Variants in DNER observed in about 807,000 individuals in gnomAD.
The protein encoded by DNER is delta and Notch-like epidermal growth factor-related receptor.
A neutral mutation model predicts 78.2 loss-of-function variants in DNER; 33 were observed. That is an observed-to-expected ratio of 0.42 (90% CI 0.32 to 0.56). DNER has a LOEUF of 0.56. Ranked by LOEUF, DNER falls within the 20% of genes least tolerant of loss-of-function variation. DNER has a pLI of 0.11. For missense variants in DNER, 918 were observed against 975.3 expected (o/e 0.94, Z 0.78); for synonymous variants, 417 against 384.8 (o/e 1.08, Z -0.98).
At chr2:229,515,821 T>C (rs997071436) in intron 5 of DNER, among the ~76,000 whole-genome samples, 13 of 152,136 alleles carry the variant, frequency 8.5e-5, no homozygotes, top group Middle Eastern at 3.4e-3. Context: ...TTTATATTTT[T>C]AGTAGAGACA....
chr2:229,390,651 G>A (rs1215770537), intron 10 of DNER, among the ~76,000 whole-genome samples: 3 of 152,188 alleles, frequency 2.0e-5, no homozygotes, highest in Non-Finnish European at 4.4e-5. Flanking sequence ...AATCCAACTA[G>A]GGCCAAACCT....
chr2:229,592,858 A>G (rs1036343218), intron 1 of DNER, among the ~76,000 whole-genome samples: 7 of 152,206 alleles, frequency 4.6e-5, no homozygotes, highest in African/African-American at 1.7e-4. Flanking sequence ...AATTCAGTAG[A>G]GAATAAATGA....
intron 4 of DNER, among the ~76,000 whole-genome samples, chr2:229,569,156 C>T (rs962367220): frequency 6.6e-6 from 1 of 152,138 alleles, no homozygotes; most frequent in Non-Finnish European, 1.5e-5. Flanking sequence ...GTTGTGTATA[C>T]AGTCATCCCT....
At chr2:229,594,952 TAAAAAAAAAAAAAAAAA>T (rs200824543) in intron 1 of DNER, among the ~76,000 whole-genome samples, 11,582 of 102,710 alleles carry the variant, frequency 0.11, 867 homozygotes, top group African/African-American at 0.21. Context: ...AAATGCTGTT[TAAAAAAAAAAAAAAAAA>T]AAAAAAAAAA....
At chr2:229,672,331 G>T (rs1446119451) in intron 1 of DNER, among the ~76,000 whole-genome samples, 1 of 152,064 alleles carries the variant, frequency 6.6e-6, no homozygotes, top group East Asian at 1.9e-4. Flanking sequence ...CAGCCTGGCA[G>T]CCTCAGAGCA....
In DNER at chr2:229,645,409, T is replaced by C. The variant is rs1303837654; in HGVS notation, c.277-53521A>G. Among the ~76,000 whole-genome samples the C allele has an allele frequency of 3.9e-5, 6 of 152,234 alleles. No homozygotes were observed. In the South Asian group the frequency reaches 6.2e-4, roughly 16 times the overall value. On this transcript the variant is annotated intron_variant, in intron 1 of 12. Coordinates refer to ENST00000341772, the MANE Select transcript of DNER (RefSeq NM_139072.4). ...TAATAGGTGAACAGGATCAAACTTA[T>C]GCTAAACAACATTGTAGATCCCTCT...
chr2:229,515,505 T>C (rs533536849), intron 5 of DNER, among the ~76,000 whole-genome samples: 11 of 152,360 alleles, frequency 7.2e-5, no homozygotes, highest in African/African-American at 2.2e-4. Context: ...ACATTCCATA[T>C]TGCGGATAAA....
chr2:229,525,506 C>G (rs1696190471), intron 5 of DNER, among the ~76,000 whole-genome samples: 2 of 151,904 alleles, frequency 1.3e-5, no homozygotes, highest in Admixed American at 1.3e-4. Flanking sequence ...TTATGTAATC[C>G]TTGATATCAT....
intron 1 of DNER, among the ~76,000 whole-genome samples, chr2:229,703,530 A>G (rs1284111674): frequency 6.6e-6 from 1 of 152,170 alleles, no homozygotes; most frequent in Non-Finnish European, 1.5e-5. Flanking sequence ...AAAAGAAAAA[A>G]TGGACCAATC....
chr2:229,498,576 T>C (rs963679130), intron 6 of DNER, among the ~76,000 whole-genome samples: 3 of 152,184 alleles, frequency 2.0e-5, no homozygotes, highest in Non-Finnish European at 4.4e-5. Context: ...ATATGGAGGA[T>C]ACAAAATGAA....
At chr2:229,692,223 A>T (rs1235632419) in intron 1 of DNER, among the ~76,000 whole-genome samples, 1 of 152,220 alleles carries the variant, frequency 6.6e-6, no homozygotes, top group Non-Finnish European at 1.5e-5. Context: ...CCCTGATCTG[A>T]CCTGGTCTTC....
At chr2:229,367,151 T>C (rs746499540) in intron 11 of DNER, 32 bp from the exon 12 acceptor site, 2 of 1,613,082 alleles carry the variant, frequency 1.2e-6, no homozygotes, top group Non-Finnish European at 8.5e-7. Flanking sequence ...TGGCTGGGTA[T>C]GAGTTGTCAC....
At chr2:229,694,646 TG>T (rs1699634433) in intron 1 of DNER, among the ~76,000 whole-genome samples, 1 of 152,260 alleles carries the variant, frequency 6.6e-6, no homozygotes, top group Non-Finnish European at 1.5e-5. Context: ...TAGACTTGGA[TG>T]GGACTTGTAG....
chr2:229,370,542 A>T (rs1003960831), intron 11 of DNER, among the ~76,000 whole-genome samples: 1 of 152,218 alleles, frequency 6.6e-6, no homozygotes, highest in Admixed American at 6.5e-5. Context: ...GGAAAGCAGA[A>T]CCAAGGCTCA....
At chr2:229,492,827 C>A (rs1009140021) in intron 6 of DNER, among the ~76,000 whole-genome samples, 30 of 150,162 alleles carry the variant, frequency 2.0e-4, no homozygotes, top group African/African-American at 6.8e-4. Context: ...TACCACCATG[C>A]GCAGCTAAGC....
At chr2:229,500,902 T>G (rs1279904434) in intron 6 of DNER, among the ~76,000 whole-genome samples, 1 of 152,112 alleles carries the variant, frequency 6.6e-6, no homozygotes, top group Admixed American at 6.6e-5. Flanking sequence ...CTTATGCCTT[T>G]GCATTCTCAT....
At chr2:229,499,360 G>A (rs1394589327) in intron 6 of DNER, among the ~76,000 whole-genome samples, 9 of 149,408 alleles carry the variant, frequency 6.0e-5, no homozygotes, top group East Asian at 2.0e-4. Flanking sequence ...CAGGAGAATC[G>A]CTTGAACCCA....
chr2:229,420,413 A>C (rs1693740574), intron 8 of DNER, among the ~76,000 whole-genome samples: 1 of 152,194 alleles, frequency 6.6e-6, no homozygotes, highest in Non-Finnish European at 1.5e-5. Context: ...TGTTATGCAG[A>C]ACCTTTTAAG....
At chr2:229,390,161 T>C (rs944248810) in intron 10 of DNER, among the ~76,000 whole-genome samples, 19 of 152,228 alleles carry the variant, frequency 1.2e-4, no homozygotes, top group African/African-American at 4.6e-4. Context: ...ATTGGAGATA[T>C]TTACTAAACA....
Sources: allele counts gnomAD v4.1 joint callset (sites outside exome capture counted in the v4.1 genomes callset), GRCh38; gene constraint gnomAD v4.1.1; transcripts MANE v1.5; gene names NCBI Gene and HGNC (gene_info 2026-07-23, HGNC 2026-07-21).